Variants in PALM2AKAP2 observed in about 807,000 individuals in gnomAD.
PALM2AKAP2 encodes the protein PALM2-AKAP2 fusion protein.
Under a neutral mutation model 71.5 loss-of-function variants are expected in PALM2AKAP2, and 37 were observed. The observed-to-expected ratio is 0.52, with a 90% CI of 0.40 to 0.68. The LOEUF (loss-of-function observed/expected upper bound fraction) is 0.68, where lower values mean the gene tolerates loss of function less well. Among genes scored for constraint, PALM2AKAP2 ranks in the 30% least tolerant of loss-of-function variants. The pLI is 0.00. For missense variants in PALM2AKAP2, 1,224 were observed against 1,191.8 expected (o/e 1.03, Z -0.40); for synonymous variants, 468 against 478.8 (o/e 0.98, Z 0.29).
At chr9:110,151,093 A>C (rs749280406) in intron 2 of PALM2AKAP2, among the ~76,000 whole-genome samples, 1 of 152,278 alleles carries the variant, frequency 6.6e-6, no homozygotes, top group Non-Finnish European at 1.5e-5. Context: ...AACTTGGGCC[A>C]GAAAAGTTCC....
chr9:110,093,960 G>A (rs539949671), intron 1 of PALM2AKAP2, among the ~76,000 whole-genome samples: 1 of 152,264 alleles, frequency 6.6e-6, no homozygotes, highest in East Asian at 1.9e-4. Flanking sequence ...TGTCTCCAAG[G>A]GGACATTTGG....
At chr9:109,808,638 G>A (rs1231182270) in intron 1 of PALM2AKAP2, among the ~76,000 whole-genome samples, 1 of 152,246 alleles carries the variant, frequency 6.6e-6, no homozygotes. Flanking sequence ...ATTTTCTGAA[G>A]AGAAATTCAA....
At chr9:109,678,125 G>A (rs1358777098) in intron 1 of PALM2AKAP2, among the ~76,000 whole-genome samples, 3 of 152,158 alleles carry the variant, frequency 2.0e-5, no homozygotes, top group African/African-American at 2.4e-5. Flanking sequence ...GCTTTTCTTA[G>A]TAGTGAGGCT....
At position 109,711,697 on chromosome 9, in the gene PALM2AKAP2, G is replaced by A. The variant is rs142599746; in HGVS notation, c.6-68791G>A. On this transcript the variant is annotated intron_variant, in intron 1 of 6. Transcript: ENST00000374531. Reference sequence around the variant, plus strand: ...TGGCATCCTTCTCCCTGTGAAAGTCGCCTTAAGAAAGCTTAGGCTCCACTT... The same window carrying A: ...TGGCATCCTTCTCCCTGTGAAAGTCACCTTAAGAAAGCTTAGGCTCCACTT... 9.7e-3 allele frequency among the ~76,000 whole-genome samples: 1,471 copies of A among 152,280 alleles called. 13 individuals carry two copies. Among genetic ancestry groups the A allele is most frequent in the Non-Finnish European group, 0.015 (1,046 of 68,026 alleles).
chr9:109,675,747 T>C (rs1189670731), intron 1 of PALM2AKAP2, among the ~76,000 whole-genome samples: 2 of 152,190 alleles, frequency 1.3e-5, no homozygotes, highest in Admixed American at 6.5e-5. Flanking sequence ...AGGAACATTT[T>C]CCCATCAGAC....
At chr9:109,738,969 C>G (rs770806327) in intron 1 of PALM2AKAP2, among the ~76,000 whole-genome samples, 87 of 152,196 alleles carry the variant, frequency 5.7e-4, no homozygotes, top group Non-Finnish European at 9.8e-4. Flanking sequence ...CCATTTGGCT[C>G]TTGGTTGGCA....
At chr9:109,690,356 G>A (rs931682222) in intron 1 of PALM2AKAP2, among the ~76,000 whole-genome samples, 18 of 152,154 alleles carry the variant, frequency 1.2e-4, no homozygotes, top group Non-Finnish European at 2.5e-4. Flanking sequence ...TGGCTAAAAA[G>A]GGAGGTTGAG....
intron 1 of PALM2AKAP2, among the ~76,000 whole-genome samples, chr9:109,793,660 C>T (rs535921397): frequency 1.2e-3 from 187 of 152,344 alleles, no homozygotes; most frequent in Non-Finnish European, 2.1e-3. Context: ...TTCCACTTTT[C>T]GGTCTAGACC....
intron 6 of PALM2AKAP2, among the ~76,000 whole-genome samples, chr9:109,933,116 TC>T (rs1831145075): frequency 6.6e-6 from 1 of 152,136 alleles, no homozygotes; most frequent in African/African-American, 2.4e-5. Flanking sequence ...ACTCACAGAG[TC>T]CTAGAGATGG....
chr9:109,673,949 G>T (rs1827612627), intron 1 of PALM2AKAP2, among the ~76,000 whole-genome samples: 1 of 151,878 alleles, frequency 6.6e-6, no homozygotes. Flanking sequence ...TCATTCACTT[G>T]GTAGATTTTT....
At chr9:109,799,974 G>A (rs967758999) in intron 1 of PALM2AKAP2, among the ~76,000 whole-genome samples, 1 of 152,202 alleles carries the variant, frequency 6.6e-6, no homozygotes, top group Non-Finnish European at 1.5e-5. Flanking sequence ...TGGGAAGAAA[G>A]GGGTGACTCA....
intron 6 of PALM2AKAP2, among the ~76,000 whole-genome samples, chr9:109,949,239 G>A (rs3741894): frequency 0.096 from 14,542 of 152,248 alleles, 838 homozygotes; most frequent in East Asian, 0.17. Context: ...TCTTGTAGTC[G>A]TCTCCTCACA....
rs557707878 is a variant in PALM2AKAP2, at chr9:109,855,014, C to T, written c.46-12477C>T. ...TCATCTCCAGACCTTGTGATCTGCC[C>T]GCCTCGGCCCCCCAAAGTACTGGGA... On this transcript the variant is annotated intron_variant, in intron 1 of 9. Coordinates refer to the PALM2AKAP2 transcript ENST00000302798. 6.6e-5 allele frequency among the ~76,000 whole-genome samples: 10 copies of T among 151,908 alleles called. No individual in the cohort carries two copies. In the South Asian group the frequency reaches 1.0e-3, roughly 16 times the overall value.
At chr9:109,691,893 TATATATATAC>T (rs1827898492) in intron 1 of PALM2AKAP2, among the ~76,000 whole-genome samples, 1 of 73,162 alleles carries the variant, frequency 1.4e-5, no homozygotes, top group Non-Finnish European at 2.6e-5. Flanking sequence ...TATATATATA[TATATATATAC>T]ACACACACAT....
At chr9:109,935,192 A>C (rs77929678) in intron 6 of PALM2AKAP2, among the ~76,000 whole-genome samples, 7,752 of 152,296 alleles carry the variant, frequency 0.051, 413 homozygotes, top group East Asian at 0.27. Context: ...CTCTATTGTT[A>C]GGGTCTTTGT....
At chr9:110,126,607 C>T (rs769901652) in intron 1 of PALM2AKAP2, among the ~76,000 whole-genome samples, 4 of 152,210 alleles carry the variant, frequency 2.6e-5, no homozygotes, top group Admixed American at 2.0e-4. Context: ...ATGAAACTCA[C>T]ATCTCTCCTT....
At chr9:109,820,851 G>T (rs575884011) in intron 1 of PALM2AKAP2, among the ~76,000 whole-genome samples, 3 of 151,938 alleles carry the variant, frequency 2.0e-5, no homozygotes, top group African/African-American at 7.2e-5. Context: ...TTGTAGATCT[G>T]GTTTTCATTA....
chr9:109,935,856 C>G (rs1831207369), intron 6 of PALM2AKAP2, among the ~76,000 whole-genome samples: 1 of 152,228 alleles, frequency 6.6e-6, no homozygotes, highest in African/African-American at 2.4e-5. Flanking sequence ...CCAATCTTCT[C>G]TGCTCATCTG....
At chr9:109,799,791 G>A (rs1827372281) in intron 1 of PALM2AKAP2, among the ~76,000 whole-genome samples, 1 of 152,140 alleles carries the variant, frequency 6.6e-6, no homozygotes, top group Admixed American at 6.6e-5. Flanking sequence ...CACCGCGTCG[G>A]CCACCATTAG....
Sources: gnomAD v4.1 joint callset for allele counts (sites outside exome capture counted in the v4.1 genomes callset) on GRCh38, gnomAD v4.1.1 for gene constraint, MANE v1.5 for transcripts, NCBI Gene and HGNC (gene_info 2026-07-23, HGNC 2026-07-21) for gene names.